The following SORCS3 variants were observed in gnomAD, a reference collection of about 807,000 sequenced individuals.
SORCS3 encodes the protein VPS10 domain-containing receptor SorCS3.
A neutral mutation model predicts 146.3 loss-of-function variants in SORCS3; 57 were observed. The ratio of observed to expected loss-of-function variants is 0.39; its 90% CI spans 0.31 to 0.49. The LOEUF is 0.49. SORCS3 is among the 20% of genes least tolerant of loss of function. The pLI, the probability that SORCS3 is intolerant of heterozygous loss-of-function variation, is 0.92. For missense variants in SORCS3, 1,341 were observed against 1,575.5 expected, an observed-to-expected ratio of 0.85 and a Z score of 2.52; for synonymous variants, 653 against 618.5, an observed-to-expected ratio of 1.06 and a Z score of -0.83.
intron 1 of SORCS3, among the ~76,000 whole-genome samples, chr10:104,701,173 C>T (rs757458842): frequency 7.2e-5 from 11 of 152,266 alleles, no homozygotes; most frequent in Middle Eastern, 3.4e-3. Context: ...TATACATAAG[C>T]AATGTTTAGC....
chr10:105,108,523 C>T (rs1312250116), intron 7 of SORCS3, among the ~76,000 whole-genome samples: 2 of 152,086 alleles, frequency 1.3e-5, no homozygotes, highest in African/African-American at 4.8e-5. Context: ...TCAGGCTACT[C>T]CAATATTCAG....
At chr10:104,977,081 G>C (rs112480289) in intron 3 of SORCS3, among the ~76,000 whole-genome samples, 1 of 151,452 alleles carries the variant, frequency 6.6e-6, no homozygotes, top group Non-Finnish European at 1.5e-5. Context: ...AAAAGTTCCC[G>C]GTGCTTAAAA....
chr10:105,006,072 G>T (rs2055093680), intron 4 of SORCS3, among the ~76,000 whole-genome samples: 1 of 152,146 alleles, frequency 6.6e-6, no homozygotes, highest in African/African-American at 2.4e-5. Flanking sequence ...CTCCCAAATA[G>T]CTGGGATTAC....
intron 1 of SORCS3, among the ~76,000 whole-genome samples, chr10:104,750,838 C>G (rs1293199841): frequency 8.5e-5 from 13 of 152,094 alleles, no homozygotes; most frequent in Admixed American, 8.5e-4. Context: ...CACTATGAGT[C>G]AATTCTGTGA....
intron 7 of SORCS3, among the ~76,000 whole-genome samples, chr10:105,114,089 A>AC (rs1465412207): frequency 6.6e-6 from 1 of 152,084 alleles, no homozygotes; most frequent in African/African-American, 2.4e-5. Flanking sequence ...TACCCTGGCT[A>AC]CCCTTGCTAC....
intron 13 of SORCS3, among the ~76,000 whole-genome samples, chr10:105,175,388 A>C (rs1201730001): frequency 6.6e-6 from 1 of 151,994 alleles, no homozygotes; most frequent in Non-Finnish European, 1.5e-5. Context: ...AAATCCTGAG[A>C]ATGAGACAGA....
intron 20 of SORCS3, among the ~76,000 whole-genome samples, chr10:105,234,660 C>A (rs1351332349): frequency 6.6e-6 from 1 of 151,720 alleles, no homozygotes; most frequent in Non-Finnish European, 1.5e-5. Flanking sequence ...GCTAAAAACA[C>A]ATCAAAGGCA....
chr10:104,642,022 G>GGGGGGGGGGCCCA, intron 1 of SORCS3, 68 bp downstream of exon 1: 1 of 173,334 alleles, frequency 5.8e-6, no homozygotes, highest in Admixed American at 8.9e-5. Context: ...GGGTGGGTGG[G>GGGGGGGGGGCCCA]AGCGAGGGAC....
chr10:105,245,461 G>T, intron 20 of SORCS3, 81 bp from the exon 21 acceptor site: 1 of 1,518,278 alleles, frequency 6.6e-7, no homozygotes, highest in South Asian at 1.2e-5. Context: ...AAGTTAGGAT[G>T]ACAGTCTGAG....
intron 6 of SORCS3, among the ~76,000 whole-genome samples, chr10:105,104,411 T>A (rs1022948589): frequency 2.0e-5 from 3 of 152,186 alleles, no homozygotes; most frequent in African/African-American, 7.2e-5. Flanking sequence ...TTTCCTTGGA[T>A]AACCTTCTAG....
chr10:105,182,306 C>T (rs921837328), intron 14 of SORCS3, among the ~76,000 whole-genome samples: 45 of 135,842 alleles, frequency 3.3e-4, no homozygotes, highest in Non-Finnish European at 5.8e-4. Context: ...TGGAAATCTC[C>T]CAACAACTCT....
chr10:104,913,955 G>C (rs2018996927), intron 2 of SORCS3, among the ~76,000 whole-genome samples: 1 of 151,796 alleles, frequency 6.6e-6, no homozygotes, highest in Admixed American at 6.6e-5. Flanking sequence ...TTTTAGTAGA[G>C]ACGGGGTTTC....
Position 104,987,102 on chromosome 10 carries a change from G to A in SORCS3, c.954+9609G>A, listed in dbSNP as rs151235266. ...TACATATATAAATATATACAACTGCGTACATAATATATATTAAGACATACT... is the reference window on the plus strand; with the variant it reads ...TACATATATAAATATATACAACTGCATACATAATATATATTAAGACATACT... On this transcript the variant is annotated intron_variant, in intron 4 of 26. Transcript: ENST00000369701. Among the ~76,000 whole-genome samples the A allele has an allele frequency of 2.0e-4, 31 of 151,666 alleles. No individual in the cohort carries two copies. In the East Asian group the frequency reaches 4.1e-3, roughly 20 times the overall value.
chr10:104,829,185 G>A (rs940093279), intron 1 of SORCS3, among the ~76,000 whole-genome samples: 1 of 152,192 alleles, frequency 6.6e-6, no homozygotes, highest in African/African-American at 2.4e-5. Flanking sequence ...GTACAATGAT[G>A]AGAAAATCAG....
chr10:104,774,889 C>A (rs1589494512), intron 1 of SORCS3, among the ~76,000 whole-genome samples: 2 of 152,312 alleles, frequency 1.3e-5, no homozygotes, highest in South Asian at 2.1e-4. Flanking sequence ...TTATGAACTT[C>A]ACCAACGAGC....
At chr10:104,804,630 C>G (rs999076860) in intron 1 of SORCS3, among the ~76,000 whole-genome samples, 3 of 152,192 alleles carry the variant, frequency 2.0e-5, no homozygotes, top group African/African-American at 7.2e-5. Flanking sequence ...TAGTGCAGTC[C>G]TGTTCCATGA....
intron 1 of SORCS3, among the ~76,000 whole-genome samples, chr10:104,736,905 T>A (rs1227035537): frequency 6.6e-6 from 1 of 152,040 alleles, no homozygotes; most frequent in Non-Finnish European, 1.5e-5. Context: ...AGCATTAGGT[T>A]TATCTCCTAA....
chr10:104,749,228 T>G (rs1443621677), intron 1 of SORCS3, among the ~76,000 whole-genome samples: 67 of 60,126 alleles, frequency 1.1e-3, no homozygotes, highest in Middle Eastern at 0.014. Flanking sequence ...AAGTATAGGG[T>G]GTGTGTGTGT....
At chr10:104,771,182 C>T (rs1208618884) in intron 1 of SORCS3, among the ~76,000 whole-genome samples, 1 of 152,210 alleles carries the variant, frequency 6.6e-6, no homozygotes, top group African/African-American at 2.4e-5. Context: ...GTTGGAAAGG[C>T]AGACTCTCAG....
Sources: allele counts gnomAD v4.1 joint callset (sites outside exome capture counted in the v4.1 genomes callset), GRCh38; gene constraint gnomAD v4.1.1; transcripts MANE v1.5; gene names NCBI Gene and HGNC (gene_info 2026-07-23, HGNC 2026-07-21).